POR: variants seen among roughly 807,000 people sequenced by gnomAD.
POR encodes NADPH--cytochrome P450 reductase.
A neutral mutation model predicts 84.0 loss-of-function variants in POR; 56 were observed. The ratio of observed to expected loss-of-function variants is 0.67; its 90% confidence interval spans 0.54 to 0.83. POR has a LOEUF of 0.83. Ranked by LOEUF, POR falls within the 40% of genes least tolerant of loss-of-function variation. The pLI, the probability that POR is intolerant of heterozygous loss-of-function variation, is 0.00. For missense variants in POR, 938 were observed against 944.3 expected, an observed-to-expected ratio of 0.99 and a Z score of 0.09; for synonymous variants, 414 against 400.5, an observed-to-expected ratio of 1.03 and a Z score of -0.40.
chr7:75,922,956 T>A (rs1806949752), intron 1 of POR: 3 of 680,236 alleles, frequency 4.4e-6, no homozygotes, highest in Non-Finnish European at 7.9e-6. Flanking sequence ...ACAAGGTGTG[T>A]CTCAGACGAC....
intron 2 of POR, 53 bp downstream of exon 2, chr7:75,954,233 A>G: frequency 6.6e-7 from 1 of 1,518,248 alleles, no homozygotes; most frequent in Non-Finnish European, 9.0e-7. Context: ...TCACCACTCC[A>G]AGCAGTGTCC....
chr7:75,933,376 GTTTTTT>G (rs200575911), intron 1 of POR, among the ~76,000 whole-genome samples: 2 of 92,110 alleles, frequency 2.2e-5, no homozygotes, highest in Admixed American at 1.2e-4. Context: ...ATAGGTCTTT[GTTTTTT>G]TTTTTTTTTT....
intron 1 of POR, among the ~76,000 whole-genome samples, chr7:75,920,712 C>T (rs983910047): frequency 5.9e-5 from 9 of 151,958 alleles, no homozygotes; most frequent in Non-Finnish European, 1.0e-4. Flanking sequence ...TTGGGTAAGC[C>T]GGGCCTGTAC....
intron 2 of POR, among the ~76,000 whole-genome samples, chr7:75,962,044 C>A (rs1411264155): frequency 5.9e-5 from 9 of 151,934 alleles, no homozygotes; most frequent in Non-Finnish European, 1.0e-4. Context: ...TTCAAGTATT[C>A]TCCTTTCTGA....
intron 1 of POR, chr7:75,943,633 A>G: frequency 3.8e-6 from 1 of 262,000 alleles, no homozygotes. Flanking sequence ...ATTCCATTTC[A>G]GATTGTACTA....
chr7:75,953,916 G>T (rs1787563747), intron 1 of POR, 73 bp from the exon 2 acceptor site: 1 of 1,245,980 alleles, frequency 8.0e-7, no homozygotes, highest in Non-Finnish European at 1.1e-6. Context: ...CAGCATTTAG[G>T]TGGGCACCCC....
At chr7:75,956,600 GC>G (rs1414790110) in intron 2 of POR, among the ~76,000 whole-genome samples, 3 of 151,730 alleles carry the variant, frequency 2.0e-5, no homozygotes, top group African/African-American at 7.3e-5. Flanking sequence ...ACCTAGCACT[GC>G]CCCTGAGGGA....
intron 1 of POR, among the ~76,000 whole-genome samples, chr7:75,938,047 A>G (rs1289600384): frequency 6.6e-6 from 1 of 152,172 alleles, no homozygotes; most frequent in East Asian, 1.9e-4. Context: ...GGGCCTGGTC[A>G]GTTCGATTTG....
intron 1 of POR, among the ~76,000 whole-genome samples, chr7:75,925,433 G>T (rs1807065846): frequency 6.6e-6 from 1 of 152,168 alleles, no homozygotes; most frequent in South Asian, 2.1e-4. Flanking sequence ...GCTGAAGCAG[G>T]ACGATCGCTT....
chr7:75,924,493 G>A (rs1554549231), intron 1 of POR, among the ~76,000 whole-genome samples: 1 of 152,100 alleles, frequency 6.6e-6, no homozygotes. Flanking sequence ...ACCATCCTGG[G>A]CCACATGGCA....
At chr7:75,942,656 T>C (rs1554551660) in intron 1 of POR, among the ~76,000 whole-genome samples, 1 of 151,884 alleles carries the variant, frequency 6.6e-6, no homozygotes, top group African/African-American at 2.4e-5. Flanking sequence ...TCAAAGTTTT[T>C]GTTTTTTTTG....
intron 3 of POR, among the ~76,000 whole-genome samples, chr7:75,975,525 C>T (rs1410053733): frequency 5.3e-5 from 8 of 152,182 alleles, no homozygotes; most frequent in African/African-American, 9.6e-5. Flanking sequence ...CTATAGTCCC[C>T]GCTACCTGAG....
Position 75,986,746 on chromosome 7 carries a change from AGGGCTCTTTCTCTCTGCTGAGCT to A in POR, c.*270_*292del. On this transcript the variant is annotated 3_prime_UTR_variant, in exon 16 of 16. Coordinates refer to ENST00000461988, the MANE Select transcript of POR (RefSeq NM_000941.3). Reference sequence around the variant, plus strand: ...CTCTGGCCCTCGGTGGCTGCACAGAAGGGCTCTTTCTCTCTGCTGAGCTGGGCCCAGCCCCTCCACGTGATTTC... The same window carrying A: ...CTCTGGCCCTCGGTGGCTGCACAGAAGGGCCCAGCCCCTCCACGTGATTTC... The A allele has an allele frequency of 1.7e-6, 1 of 585,182 alleles. No individual in the cohort carries two copies. 36.2% of individuals were successfully genotyped at this position (585,182 alleles called of 1,614,324 possible). A position where few individuals can be genotyped will look rare whatever the true frequency, so the allele number is the denominator to read the frequency against.
rs1554559139 is a variant in POR, at chr7:75,985,737, C to T, written c.1557C>T (p.Ser519=). 2.5e-6 allele frequency: 4 copies of T among 1,587,038 alleles called. No homozygotes were observed. The African/African-American group carries it at 5.4e-5, about 21-fold the overall frequency. The change falls in exon 13 of 16, where the codon TCC becomes TCT. Residue 519 remains serine, a synonymous_variant. Transcript: ENST00000461988. ...TGGTGCCCATGTTCGTGCGCAAGTC[C>T]CAGTTCCGCCTGCCCTTCAAGGCCA...
chr7:75,928,255 C>T (rs1807244471), intron 1 of POR, among the ~76,000 whole-genome samples: 1 of 152,168 alleles, frequency 6.6e-6, no homozygotes, highest in Non-Finnish European at 1.5e-5. Flanking sequence ...AGGTGTGAGC[C>T]ACCACACCCG....
intron 1 of POR, among the ~76,000 whole-genome samples, chr7:75,935,620 TGTGTGTGTGTGTGTG>T (rs1807636397): frequency 1.6e-4 from 1 of 6,446 alleles, no homozygotes; most frequent in African/African-American, 9.6e-4. Context: ...GCTCGGGGCT[TGTGTGTGTGTGTGTG>T]TGTGTGTGTG....
At chr7:75,925,602 T>C (rs1481704362) in intron 1 of POR, among the ~76,000 whole-genome samples, 1 of 152,184 alleles carries the variant, frequency 6.6e-6, no homozygotes, top group African/African-American at 2.4e-5. Context: ...CAGCAGCCCA[T>C]GTACTCAGCA....
chr7:75,931,337 T>TTTTATTTATTTA lies in POR; in HGVS notation c.-5+16194_-5+16205dup, dbSNP rs140503871. 1.9e-3 allele frequency among the ~76,000 whole-genome samples: 274 copies of TTTTATTTATTTA among 142,868 alleles called. 2 individuals are homozygous for TTTTATTTATTTA. Among genetic ancestry groups the TTTTATTTATTTA allele is most frequent in the Non-Finnish European group, 2.2e-3 (147 of 65,538 alleles). 93.7% of individuals were successfully genotyped at this position (142,868 alleles called of 152,430 possible). A position where few individuals can be genotyped will look rare whatever the true frequency, so the allele number is the denominator to read the frequency against. Reference sequence around the variant, plus strand: ...TTACAAAGGGCCACTTATTGTGTGATTTTATTTATTTATTTATTTATTTAT... The same window carrying TTTTATTTATTTA: ...TTACAAAGGGCCACTTATTGTGTGATTTTATTTATTTATTTATTTATTTATTTATTTATTTAT... On this transcript the variant is annotated intron_variant, in intron 1 of 15. Coordinates refer to ENST00000461988, the MANE Select transcript of POR (RefSeq NM_000941.3).
chr7:75,966,099 A>G (rs1316178660), intron 2 of POR, among the ~76,000 whole-genome samples: 3 of 152,194 alleles, frequency 2.0e-5, no homozygotes, highest in Non-Finnish European at 4.4e-5. Context: ...TGCGCACTGC[A>G]CAGGGTGGTG....
Sources: gnomAD v4.1 joint callset for allele counts (sites outside exome capture counted in the v4.1 genomes callset) on GRCh38, gnomAD v4.1.1 for gene constraint, MANE v1.5 for transcripts, NCBI Gene and HGNC (gene_info 2026-07-23, HGNC 2026-07-21) for gene names.